The following TPO variants were observed in gnomAD, a reference collection of about 807,000 sequenced individuals.
TPO encodes the protein thyroid peroxidase.
A neutral mutation model predicts 96.9 loss-of-function variants in TPO; 78 were observed. The observed-to-expected ratio is 0.81, with a 90% CI of 0.67 to 0.97. The LOEUF (loss-of-function observed/expected upper bound fraction) is 0.97, where lower values mean the gene tolerates loss of function less well. Ranked by LOEUF, TPO falls within the 50% of genes least tolerant of loss-of-function variation. The probability of loss-of-function intolerance (pLI) is 0.00; values close to 1 mark genes in which losing one functional copy is unlikely to be tolerated. For missense variants in TPO, 1,252 were observed against 1,274.8 expected (o/e 0.98, Z 0.27); for synonymous variants, 547 against 538.0 (o/e 1.02, Z -0.23).
intron 7 of TPO, among the ~76,000 whole-genome samples, chr2:1,465,241 C>A (rs1057166617): frequency 1.3e-5 from 2 of 152,168 alleles, no homozygotes; most frequent in Admixed American, 1.3e-4. Context: ...GTTCTCTATT[C>A]TATTCCATTG....
intron 1 of TPO, among the ~76,000 whole-genome samples, chr2:1,407,023 G>A (rs1185442783): frequency 6.6e-6 from 1 of 152,194 alleles, no homozygotes; most frequent in Non-Finnish European, 1.5e-5. Flanking sequence ...ACAGGCACTG[G>A]ACATTGATGG....
chr2:1,528,911 T>TCC, intron 15 of TPO, among the ~76,000 whole-genome samples: 1 of 83,730 alleles, frequency 1.2e-5, no homozygotes. Flanking sequence ...CCTCCTCACG[T>TCC]CCCCCACTGT....
At chr2:1,493,536 A>G (rs1311280133) in intron 10 of TPO, among the ~76,000 whole-genome samples, 1 of 81,658 alleles carries the variant, frequency 1.2e-5, no homozygotes, top group Non-Finnish European at 2.5e-5. Context: ...GGGCAGTGTC[A>G]CAGGGTGGGA....
rs28909387 is a variant in TPO at position 1,436,548 on chromosome 2, G to A, written c.482+164G>A. Among the ~76,000 whole-genome samples, 874 of 152,230 alleles carry A rather than the reference G, an allele frequency of 5.7e-3. 11 individuals are homozygous for A. The highest frequency in any genetic ancestry group is 0.02 in the African/African-American group (841 of 41,550). The stretch of plus-strand genomic sequence containing the variant: ...CGACATGGCCTCCTGCATGCCTGGT[G>A]GTGCCTCAAGCAGCGTGCCAAGCAG... On this transcript the variant is annotated intron_variant, in intron 5 of 16. Transcript: ENST00000329066.
At chr2:1,415,935 T>G (rs1323699520) in intron 2 of TPO, among the ~76,000 whole-genome samples, 2 of 151,892 alleles carry the variant, frequency 1.3e-5, no homozygotes, top group Non-Finnish European at 2.9e-5. Flanking sequence ...TTAAAAAAAC[T>G]CTCCCTCCAC....
chr2:1,492,131 T>G (rs1339870885), intron 10 of TPO, among the ~76,000 whole-genome samples: 2 of 150,506 alleles, frequency 1.3e-5, no homozygotes, highest in Admixed American at 1.3e-4. Context: ...CTGACAGCAG[T>G]TTTCTAAAAG....
intron 7 of TPO, 68 bp from the exon 8 acceptor site, chr2:1,477,018 G>C (rs1287465643): frequency 1.5e-5 from 23 of 1,538,642 alleles, no homozygotes; most frequent in East Asian, 6.9e-5. Context: ...CGCCGGCCTC[G>C]AACTTCCAGA....
chr2:1,376,140 A>C (rs1661718809), intron 1 of TPO, among the ~76,000 whole-genome samples: 1 of 152,150 alleles, frequency 6.6e-6, no homozygotes, highest in South Asian at 2.1e-4. Context: ...TTTTCTTCGT[A>C]AATCCAAATT....
At chr2:1,413,892 T>C (rs1662604943) in intron 1 of TPO, among the ~76,000 whole-genome samples, 1 of 152,230 alleles carries the variant, frequency 6.6e-6, no homozygotes, top group Non-Finnish European at 1.5e-5. Flanking sequence ...GAATTTTGAA[T>C]CTTCTGTTTT....
At chr2:1,446,468 A>G (rs1666836080) in intron 5 of TPO, among the ~76,000 whole-genome samples, 1 of 152,122 alleles carries the variant, frequency 6.6e-6, no homozygotes, top group African/African-American at 2.4e-5. Context: ...AATCCCCGTC[A>G]CTGTGATCCC....
At chr2:1,529,677 G>T (rs1178205657) in intron 15 of TPO, among the ~76,000 whole-genome samples, 1 of 72,380 alleles carries the variant, frequency 1.4e-5, no homozygotes, top group Non-Finnish European at 2.6e-5. Context: ...CCCACTGTGT[G>T]CAACCTCCTC....
intron 13 of TPO, among the ~76,000 whole-genome samples, chr2:1,497,752 G>A (rs185637776): frequency 3.9e-4 from 60 of 152,266 alleles, no homozygotes; most frequent in Admixed American, 9.8e-4. Flanking sequence ...ACAGTCTCCT[G>A]TGAGCTACGT....
At chr2:1,461,790 A>T (rs932466123) in intron 7 of TPO, among the ~76,000 whole-genome samples, 4 of 152,142 alleles carry the variant, frequency 2.6e-5, no homozygotes, top group African/African-American at 9.7e-5. Context: ...TCACATGCAC[A>T]CAGCTGCTCC....
At chr2:1,484,083 G>A (rs1199265823) in intron 8 of TPO, among the ~76,000 whole-genome samples, 1 of 152,190 alleles carries the variant, frequency 6.6e-6, no homozygotes, top group African/African-American at 2.4e-5. Context: ...CCTGAAAGTA[G>A]AATCTTGGTA....
At chr2:1,471,027 C>T (rs1324100011) in intron 7 of TPO, among the ~76,000 whole-genome samples, 1 of 152,234 alleles carries the variant, frequency 6.6e-6, no homozygotes, top group Non-Finnish European at 1.5e-5. Flanking sequence ...CCTCTCTCTT[C>T]ATAAGCAGAG....
At chr2:1,463,705 G>A (rs372895986) in intron 7 of TPO, among the ~76,000 whole-genome samples, 1 of 152,066 alleles carries the variant, frequency 6.6e-6, no homozygotes, top group Non-Finnish European at 1.5e-5. Flanking sequence ...TTCTGGTCTC[G>A]GCTAAGTGGG....
At chr2:1,531,717 CCA>C in intron 15 of TPO, among the ~76,000 whole-genome samples, 1 of 78,912 alleles carries the variant, frequency 1.3e-5, no homozygotes, top group South Asian at 5.3e-4. Context: ...CAAATCCCCC[CCA>C]CTCTCTGCAA....
chr2:1,402,419 G>A (rs1662187247), intron 1 of TPO, among the ~76,000 whole-genome samples: 1 of 152,154 alleles, frequency 6.6e-6, no homozygotes, highest in Non-Finnish European at 1.5e-5. Context: ...GAGCAAGCAG[G>A]GAGCCAGCCA....
chr2:1,516,633 G>T (rs1369031592), intron 14 of TPO, among the ~76,000 whole-genome samples: 2 of 152,190 alleles, frequency 1.3e-5, no homozygotes, highest in South Asian at 2.1e-4. Context: ...CCACAGTGAG[G>T]TTCCATAGAG....
Sources: allele counts gnomAD v4.1 joint callset (sites outside exome capture counted in the v4.1 genomes callset), GRCh38; gene constraint gnomAD v4.1.1; transcripts MANE v1.5; gene names NCBI Gene and HGNC (gene_info 2026-07-23, HGNC 2026-07-21).